TIAM2: variants seen among roughly 807,000 people sequenced by gnomAD.
TIAM2 encodes the protein TIAM Rac1 associated GEF 2.
In TIAM2, 80 loss-of-function variants were observed where a neutral mutation model predicts 152.9. The observed-to-expected ratio is 0.52, with a 90% CI of 0.44 to 0.63. The LOEUF (loss-of-function observed/expected upper bound fraction) is 0.63. TIAM2 is among the 30% of genes least tolerant of loss of function. The probability of loss-of-function intolerance (pLI) is 0.00; values close to 1 mark genes in which losing one functional copy is unlikely to be tolerated. For missense variants in TIAM2, 1,965 were observed against 2,120.1 expected (o/e 0.93, Z 1.44); for synonymous variants, 804 against 838.0 (o/e 0.96, Z 0.70).
chr6:155,069,770 T>C (rs974814887), intron 1 of TIAM2, among the ~76,000 whole-genome samples: 2 of 152,194 alleles, frequency 1.3e-5, no homozygotes, highest in African/African-American at 4.8e-5. Flanking sequence ...TGTAGCTTCC[T>C]ACTCTTTAAG....
At chr6:155,253,791 C>T (rs1783826587) in intron 24 of TIAM2, 182 bp from the exon 25 acceptor site, 1 of 527,856 alleles carries the variant, frequency 1.9e-6, no homozygotes, top group African/African-American at 2.0e-5. Context: ...AAAAAGTAAC[C>T]AAAAGGCATT....
At chr6:155,168,699 A>G (rs549343994) in intron 9 of TIAM2, 2 of 641,734 alleles carry the variant, frequency 3.1e-6, no homozygotes, top group South Asian at 5.4e-5. Context: ...AAAAACTTTA[A>G]GTGTATTAGA....
chr6:155,218,221 T>G lies in TIAM2; in HGVS notation c.3168+6914T>G, dbSNP rs1434646116. 6.6e-6 allele frequency among the ~76,000 whole-genome samples: 1 copy of G among 152,230 alleles called. No homozygotes were observed. The highest frequency in any genetic ancestry group is 6.5e-5 in the Admixed American group (1 of 15,282). ...ATGATCCTTTTCTTAAAACCAAACA[T>G]GCCTATTTCTAAATGCAAGTTATGT... is the stretch of plus-strand genomic sequence containing the variant. On this transcript the variant is annotated intron_variant, in intron 15 of 26. Transcript: ENST00000682666. The surrounding 1 kb of genome is among the most constrained non-coding windows in gnomAD (Gnocchi z 4.5).
intron 4 of TIAM2, among the ~76,000 whole-genome samples, chr6:155,130,821 A>G (rs1476798640): frequency 6.6e-6 from 1 of 151,972 alleles, no homozygotes; most frequent in Non-Finnish European, 1.5e-5. Flanking sequence ...CTCATGCGGC[A>G]GAGAGAGCAG....
At chr6:155,034,839 TAAGTACGATG>T (rs1776893730) in intron 1 of TIAM2, among the ~76,000 whole-genome samples, 1 of 152,192 alleles carries the variant, frequency 6.6e-6, no homozygotes, top group Non-Finnish European at 1.5e-5. Flanking sequence ...TTTTCACCAT[TAAGTACGATG>T]CTAGCCGCAG....
chr6:155,022,405 T>C (rs2114867271), intron 1 of TIAM2: 1 of 152,560 alleles, frequency 6.6e-6, no homozygotes, highest in East Asian at 1.9e-4. Context: ...GTTCAAGTGA[T>C]TCTCCTGCCT....
intron 2 of TIAM2, among the ~76,000 whole-genome samples, chr6:155,125,374 A>G (rs2115031149): frequency 6.6e-6 from 1 of 152,320 alleles, no homozygotes; most frequent in Non-Finnish European, 1.5e-5. Flanking sequence ...GAGAAATGCA[A>G]ATGAAACCCA....
intron 1 of TIAM2, among the ~76,000 whole-genome samples, chr6:155,038,953 C>CTTTTTT (rs33971396): frequency 7.8e-5 from 5 of 64,146 alleles, no homozygotes; most frequent in East Asian, 5.1e-4. Flanking sequence ...TGAGCATGTC[C>CTTTTTT]TTTTTTTTTT....
chr6:155,250,818 A>C, intron 21 of TIAM2, 95 bp from the exon 22 acceptor site: 1 of 1,336,612 alleles, frequency 7.5e-7, no homozygotes, highest in Non-Finnish European at 1.1e-6. Flanking sequence ...CTGTGCTTGC[A>C]TTTTAGCAAT....
intron 2 of TIAM2, among the ~76,000 whole-genome samples, chr6:155,108,237 A>G (rs1562318529): frequency 6.6e-6 from 1 of 152,198 alleles, no homozygotes; most frequent in Non-Finnish European, 1.5e-5. Context: ...TGTATTGGGC[A>G]TCCCCCATGT....
rs762097222 is a variant in TIAM2, at chr6:155,254,063, A to G, written c.4313+3A>G. ...ACCATCTTTCAGTTGTGTTGCAGGT[A>G]TGACTGACTTCCAAAGATTAAAACC... On this transcript the variant is annotated splice_donor_region_variant and intron_variant, in intron 25 of 26. Coordinates refer to ENST00000682666, the MANE Select transcript of TIAM2 (RefSeq NM_012454.4). 1 of 1,613,202 alleles carries G rather than the reference A, an allele frequency of 6.2e-7. No homozygotes were observed. The highest frequency in any genetic ancestry group is 1.1e-5 in the South Asian group (1 of 90,844).
At chr6:155,064,173 C>T (rs184332787) in intron 1 of TIAM2, among the ~76,000 whole-genome samples, 79 of 152,276 alleles carry the variant, frequency 5.2e-4, no homozygotes, top group Admixed American at 4.1e-3. Flanking sequence ...CCTGTAAATT[C>T]CTACTTGGCT....
At chr6:155,163,863 A>G (rs1291918230) in intron 7 of TIAM2, among the ~76,000 whole-genome samples, 1 of 152,072 alleles carries the variant, frequency 6.6e-6, no homozygotes, top group African/African-American at 2.4e-5. Context: ...AACAAACATC[A>G]TGCCTTTTTG....
intron 1 of TIAM2, among the ~76,000 whole-genome samples, chr6:155,082,812 A>T (rs1778096267): frequency 6.6e-6 from 1 of 152,104 alleles, no homozygotes; most frequent in South Asian, 2.1e-4. Context: ...TTGTAGAGAG[A>T]GAGCCTTACT....
chr6:155,056,414 C>G (rs1339758492), intron 1 of TIAM2, among the ~76,000 whole-genome samples: 1 of 152,006 alleles, frequency 6.6e-6, no homozygotes, highest in African/African-American at 2.4e-5. Flanking sequence ...TCAAGTGATC[C>G]GCCTGCCTTG....
At chr6:155,074,125 C>G (rs534450645) in intron 1 of TIAM2, among the ~76,000 whole-genome samples, 2 of 152,270 alleles carry the variant, frequency 1.3e-5, no homozygotes, top group South Asian at 4.1e-4. Flanking sequence ...ACTGTCATGC[C>G]TCAGCAATAC....
chr6:155,034,162 C>T (rs1215710935), intron 1 of TIAM2, among the ~76,000 whole-genome samples: 2 of 152,026 alleles, frequency 1.3e-5, no homozygotes, highest in Non-Finnish European at 1.5e-5. Context: ...TTTGCTTTGC[C>T]CCTGCCTTCA....
chr6:155,159,057 C>A (rs1430148870), intron 7 of TIAM2, among the ~76,000 whole-genome samples: 1 of 152,094 alleles, frequency 6.6e-6, no homozygotes, highest in Non-Finnish European at 1.5e-5. Flanking sequence ...AAAAGATTGT[C>A]TTTTTTTCCT....
At chr6:155,064,476 C>T (rs192925987) in intron 1 of TIAM2, among the ~76,000 whole-genome samples, 1 of 152,280 alleles carries the variant, frequency 6.6e-6, no homozygotes, top group East Asian at 1.9e-4. Flanking sequence ...ATAGTTTGAG[C>T]TGGAATTTGG....
Sources: allele counts gnomAD v4.1 joint callset (sites outside exome capture counted in the v4.1 genomes callset), GRCh38; gene constraint gnomAD v4.1.1; non-coding constraint Gnocchi (gnomAD v3.1); transcripts MANE v1.5; gene names NCBI Gene and HGNC (gene_info 2026-07-23, HGNC 2026-07-21).